The following KCNQ2 variants were observed in gnomAD, a reference collection of about 807,000 sequenced individuals.
The protein encoded by KCNQ2 is potassium voltage-gated channel subfamily Q member 2.
A neutral mutation model predicts 84.8 loss-of-function variants in KCNQ2; 14 were observed. That is an observed-to-expected ratio of 0.17 (90% CI 0.11 to 0.26). The LOEUF (loss-of-function observed/expected upper bound fraction) is 0.26, where lower values mean the gene tolerates loss of function less well. Ranked by LOEUF, KCNQ2 falls within the 10% of genes least tolerant of loss-of-function variation. The pLI, the probability that KCNQ2 is intolerant of heterozygous loss-of-function variation, is 1.00. For synonymous variants in KCNQ2, 599 were observed against 554.1 expected (o/e 1.08, Z -1.14); for missense variants, 788 against 1,254.0 (o/e 0.63, Z 5.61).
intron 10 of KCNQ2, among the ~76,000 whole-genome samples, chr20:63,427,555 C>T (rs2080669900): frequency 6.6e-6 from 1 of 152,262 alleles, no homozygotes; most frequent in African/African-American, 2.4e-5. Flanking sequence ...CCTGCTCCCT[C>T]CGAAAGCTCC....
chr20:63,434,198 T>C (rs1236891956), intron 7 of KCNQ2: 2 of 468,612 alleles, frequency 4.3e-6, no homozygotes, highest in Non-Finnish European at 7.5e-6. Flanking sequence ...GTTCTTTCCT[T>C]TTCATGACTC....
At position 63,425,566 on chromosome 20, in the gene KCNQ2, A is replaced by C. The variant is rs948849562; in HGVS notation, c.1218-1360T>G. ...GAAACCCCGTCTCTACTAAAAATAC[A>C]AAAATTAGCCGGGTGTGGTGGCAGG... On this transcript the variant is annotated intron_variant, in intron 10 of 16. Transcript: ENST00000359125. This position sits in a 1 kb window ranked among gnomAD's most constrained non-coding sequence, Gnocchi z 5.5. Among the ~76,000 whole-genome samples, 4 of 152,080 alleles carry C rather than the reference A, an allele frequency of 2.6e-5. No homozygotes were observed. Among genetic ancestry groups the C allele is most frequent in the African/African-American group, 9.7e-5 (4 of 41,408 alleles).
At chr20:63,430,476 G>A (rs2080758937) in intron 9 of KCNQ2, among the ~76,000 whole-genome samples, 1 of 152,168 alleles carries the variant, frequency 6.6e-6, no homozygotes, top group African/African-American at 2.4e-5. Flanking sequence ...TCCAGGACGG[G>A]TGACTGGCCC....
Position 63,406,797 on chromosome 20 carries a change from C to T in KCNQ2, c.2466G>A (p.Ala822=), listed in dbSNP as rs779798310. Residue 822 remains alanine, a synonymous_variant, in exon 17 of 17, where the codon GCG becomes GCA. Transcript: ENST00000359125. ...ENLDALNSCY[A]AVAPCAKVRP... ...TGACTTTGGCACAAGGCGCCACGGC[C>T]GCGTAGCAGCTGTTGAGAGCATCCA... The T allele has an allele frequency of 6.8e-6, 11 of 1,612,622 alleles. No individual in the cohort carries two copies. The highest frequency in any genetic ancestry group is 1.1e-5 in the South Asian group (1 of 91,060).
At chr20:63,418,150 G>C (rs1027696124) in intron 12 of KCNQ2, among the ~76,000 whole-genome samples, 1 of 152,332 alleles carries the variant, frequency 6.6e-6, no homozygotes, top group East Asian at 1.9e-4. Context: ...GCTGCCAGGA[G>C]CACGCGTGGT....
At chr20:63,461,045 C>G (rs2081934195) in intron 1 of KCNQ2, 1 of 152,242 alleles carries the variant, frequency 6.6e-6, no homozygotes, top group Non-Finnish European at 1.5e-5. Flanking sequence ...GGCGCAGACA[C>G]CTGGAAAGAA....
At position 63,419,388 on chromosome 20, in the gene KCNQ2, G is replaced by A. The variant is rs545005559; in HGVS notation, c.1301+231C>T. Reference sequence around the variant, plus strand: ...CCCTGGCTGGCCCCTCTGGCTGTGCGCAGGACATCGCCTGGCGTGGGGAGC... The same window carrying A: ...CCCTGGCTGGCCCCTCTGGCTGTGCACAGGACATCGCCTGGCGTGGGGAGC... On this transcript the variant is annotated intron_variant, in intron 12 of 16. Transcript: ENST00000359125. 1.6e-4 allele frequency among the ~76,000 whole-genome samples: 24 copies of A among 152,344 alleles called. 1 individual carries two copies. Among genetic ancestry groups the A allele is most frequent in the African/African-American group, 5.0e-4 (21 of 41,592 alleles).
intron 8 of KCNQ2, among the ~76,000 whole-genome samples, chr20:63,432,682 TCAGGGAAGGCCCCACC>T (rs2080854640): frequency 1.6e-5 from 2 of 123,964 alleles, no homozygotes; most frequent in African/African-American, 3.5e-5. Flanking sequence ...GGCCCCACCC[TCAGGGAAGGCCCCACC>T]CTCTGGGAAG....
chr20:63,415,040 A>G lies in KCNQ2; in HGVS notation c.1388T>C (p.Val463Ala). The G allele has an allele frequency of 1.9e-6, 3 of 1,609,212 alleles. No individual in the cohort carries two copies. The highest frequency in any genetic ancestry group is 1.7e-6 in the Non-Finnish European group (2 of 1,179,926). Residue 463 changes from valine to alanine, a missense_variant, in exon 13 of 17, where the codon GTG (valine) becomes GCG (alanine). This residue lies in a region of KCNQ2 where 202 missense variants were observed against 239.4 expected (regional missense o/e 0.84). Transcript: ENST00000359125. ...KGKGSPQAQT[V>A]RRSPSADQSL... ...CTGGTCGGCGCTGGGTGACCGCCTC[A>G]CAGTCTGGGCCTGCGGGGACCCCTT...
Position 63,424,719 on chromosome 20 carries a change from G to A in KCNQ2, c.1218-513C>T, listed in dbSNP as rs549124084. Among the ~76,000 whole-genome samples the A allele has an allele frequency of 2.4e-4, 36 of 152,324 alleles. No individual in the cohort carries two copies. The South Asian group carries it at 5.8e-3, about 25-fold the overall frequency. ...AGTCAGTGAGCCCAGGGTTTGCACC[G>A]CTGACCAACTGTCCCGGCCTCGTCC... On this transcript the variant is annotated intron_variant, in intron 10 of 16. Coordinates refer to ENST00000359125, the MANE Select transcript of KCNQ2 (RefSeq NM_172107.4).
Position 63,443,173 on chromosome 20 carries a change from TCAC to T in KCNQ2, c.691-645_691-643del, listed in dbSNP as rs1321533725. Among the ~76,000 whole-genome samples, 22 of 37,046 alleles carry T rather than the reference TCAC, an allele frequency of 5.9e-4. 1 individual carries two copies. The highest frequency in any genetic ancestry group is 2.1e-4 in the Non-Finnish European group (4 of 19,378). 24.3% of individuals were successfully genotyped at this position (37,046 alleles called of 152,430 possible). ...CATCACCGGCGCCACCACCATCACA[TCAC>T]CATCACCATCACCACCACCACCACC... On this transcript the variant is annotated intron_variant, in intron 4 of 16. Coordinates refer to ENST00000359125, the MANE Select transcript of KCNQ2 (RefSeq NM_172107.4).
At chr20:63,462,212 GA>G (rs1253192957) in intron 1 of KCNQ2, among the ~76,000 whole-genome samples, 1 of 139,372 alleles carries the variant, frequency 7.2e-6, no homozygotes, top group Admixed American at 7.2e-5. Context: ...AGGGAGCAGG[GA>G]GGAGGCTGCA....
chr20:63,424,485 C>CATTTACAGACACTCATTTT, intron 10 of KCNQ2: 1 of 532,644 alleles, frequency 1.9e-6, no homozygotes, highest in Non-Finnish European at 3.3e-6. Flanking sequence ...TACCCCTCCA[C>CATTTACAGACACTCATTTT]ATTTACAGAC....
chr20:63,465,591 C>A (rs960917630), intron 1 of KCNQ2, among the ~76,000 whole-genome samples: 8 of 152,228 alleles, frequency 5.3e-5, no homozygotes, highest in African/African-American at 1.7e-4. Context: ...GGGTCGCACG[C>A]AGGGGCCAGC....
In KCNQ2 at chr20:63,438,371, G is replaced by A; in HGVS notation, c.1023+254C>T. On this transcript the variant is annotated intron_variant, in intron 7 of 16. Transcript: ENST00000359125. This position sits in a 1 kb window ranked among gnomAD's most constrained non-coding sequence, Gnocchi z 5.1. Reference sequence around the variant, plus strand: ...GCGGTAGAGAGGACCTGATGGCCGGGCCCCAGCACCCACACAAGGCAAGGG... The same window carrying A: ...GCGGTAGAGAGGACCTGATGGCCGGACCCCAGCACCCACACAAGGCAAGGG... 1 of 581,618 alleles carries A rather than the reference G, an allele frequency of 1.7e-6. No homozygotes were observed. Among genetic ancestry groups the A allele is most frequent in the Non-Finnish European group, 3.1e-6 (1 of 323,352 alleles). The allele number at this position is 581,618 out of a possible 1,614,324, so 36.0% of individuals were successfully genotyped here. A position where few individuals can be genotyped will look rare whatever the true frequency, so the allele number is the denominator to read the frequency against.
At chr20:63,426,558 C>T (rs2080641956) in intron 10 of KCNQ2, among the ~76,000 whole-genome samples, 1 of 151,928 alleles carries the variant, frequency 6.6e-6, no homozygotes, top group Admixed American at 6.6e-5. Flanking sequence ...TCTGAATCTC[C>T]CTGTTTCCTC....
chr20:63,448,835 G>C (rs967179818), intron 1 of KCNQ2, among the ~76,000 whole-genome samples: 6 of 152,098 alleles, frequency 3.9e-5, no homozygotes, highest in Middle Eastern at 3.4e-3. Context: ...TGGGCATCCT[G>C]GGGGGGAGTC....
intron 10 of KCNQ2, among the ~76,000 whole-genome samples, chr20:63,427,953 G>A (rs144959991): frequency 1.1e-3 from 168 of 152,264 alleles, no homozygotes; most frequent in African/African-American, 3.7e-3. Context: ...AACCTACCTC[G>A]ACAGCCGGCA....
chr20:63,443,544 TGA>T (rs1568938393), intron 4 of KCNQ2: 2 of 76,190 alleles, frequency 2.6e-5, no homozygotes, highest in East Asian at 4.4e-4. Context: ...ACCACCACCA[TGA>T]CCATCATGAC....
Sources: gnomAD v4.1 joint callset for allele counts (sites outside exome capture counted in the v4.1 genomes callset) on GRCh38, gnomAD v4.1.1 for gene constraint, gnomAD v4.1.1 regional missense constraint, Gnocchi (gnomAD v3.1) non-coding constraint, MANE v1.5 for transcripts, NCBI Gene and HGNC (gene_info 2026-07-23, HGNC 2026-07-21) for gene names.